CCSER2: variants seen among roughly 807,000 people sequenced by gnomAD.
CCSER2 encodes the protein serine-rich coiled-coil domain-containing protein 2.
In CCSER2, 46 loss-of-function variants were observed where a neutral mutation model predicts 92.3. That is an observed-to-expected ratio of 0.50 (90% CI 0.39 to 0.64). The LOEUF (loss-of-function observed/expected upper bound fraction) is 0.64. Among genes scored for constraint, CCSER2 ranks in the 30% least tolerant of loss-of-function variants. CCSER2 has a pLI of 0.00. For synonymous variants in CCSER2, 433 were observed against 431.4 expected (o/e 1.00, Z -0.04); for missense variants, 1,244 against 1,238.9 (o/e 1.00, Z -0.06).
At chr10:84,396,386 A>AT (rs201843812) in intron 3 of CCSER2, among the ~76,000 whole-genome samples, 1 of 148,932 alleles carries the variant, frequency 6.7e-6, no homozygotes, top group Non-Finnish European at 1.5e-5. Context: ...TTTGTTTAGC[A>AT]TTTTTTTTTT....
rs1846034651 is a variant in CCSER2 at position 84,371,048 on chromosome 10, A to G, written c.-5A>G. ...ACTTTTAAGAACAAATGCACCTTAT[A>G]GCTCATGGAAGAAAAAACACAAATC... is the stretch of plus-strand genomic sequence containing the variant. On this transcript the variant is annotated 5_prime_UTR_variant, in exon 2 of 10. The change creates a new upstream start codon in the 5' untranslated region. Transcript: ENST00000372088. 1.9e-6 allele frequency: 3 copies of G among 1,564,646 alleles called. No individual in the cohort carries two copies. The South Asian group carries it at 3.6e-5, about 19-fold the overall frequency.
intron 6 of CCSER2, among the ~76,000 whole-genome samples, chr10:84,453,950 T>C (rs1845446616): frequency 6.6e-6 from 1 of 152,168 alleles, no homozygotes; most frequent in Non-Finnish European, 1.5e-5. Context: ...GGTGTTTCTC[T>C]CTCCTTTTTA....
chr10:84,434,103 C>G (rs1423972309), intron 5 of CCSER2, among the ~76,000 whole-genome samples: 2 of 152,150 alleles, frequency 1.3e-5, no homozygotes, highest in African/African-American at 4.8e-5. Context: ...AATGTATCAA[C>G]TTAATGTGGG....
At chr10:84,479,624 T>A (rs1262911275) in intron 9 of CCSER2, among the ~76,000 whole-genome samples, 1 of 152,234 alleles carries the variant, frequency 6.6e-6, no homozygotes, top group Non-Finnish European at 1.5e-5. Flanking sequence ...TTAATTTGGA[T>A]GTGTAAATAT....
intron 3 of CCSER2, among the ~76,000 whole-genome samples, chr10:84,383,255 G>A (rs770920692): frequency 1.3e-5 from 2 of 151,982 alleles, no homozygotes; most frequent in Non-Finnish European, 1.5e-5. Flanking sequence ...ATTTTACTTC[G>A]CTTGGGTTAT....
rs1849592960 is a variant in CCSER2 at position 84,516,232 on chromosome 10, A to G, written c.*1965A>G. On this transcript the variant is annotated 3_prime_UTR_variant, in exon 10 of 10. Transcript: ENST00000372088. ...ATCAGATGAATTTGCCATTCACTGG[A>G]TAGAAACCATTCTTGGATTTGGTAA... 1 of 152,214 alleles carries G rather than the reference A, an allele frequency of 6.6e-6. No individual in the cohort carries two copies. Among genetic ancestry groups the G allele is most frequent in the African/African-American group, 2.4e-5 (1 of 41,458 alleles). The allele number at this position is 152,214 out of a possible 1,614,324, so 9.4% of individuals were successfully genotyped here. A position where few individuals can be genotyped will look rare whatever the true frequency, so the allele number is the denominator to read the frequency against.
At chr10:84,502,399 T>G (rs1221274003) in intron 9 of CCSER2, among the ~76,000 whole-genome samples, 2 of 137,240 alleles carry the variant, frequency 1.5e-5, no homozygotes, top group Admixed American at 8.0e-5. Context: ...GAGACAAGAG[T>G]CTTGCTCTGT....
In CCSER2 at chr10:84,361,857, C is replaced by T. The variant is rs191842580; in HGVS notation, c.-39-9157C>T. 7.0e-4 allele frequency among the ~76,000 whole-genome samples: 106 copies of T among 152,254 alleles called. 1 individual carries two copies. The highest frequency in any genetic ancestry group is 2.4e-3 in the African/African-American group (101 of 41,548). ...GTTTCTCCACATTGGTCAGGCTGGT[C>T]TTGAACTCCCGACCTCAGGTGATCC... On this transcript the variant is annotated intron_variant, in intron 1 of 9. Transcript: ENST00000372088.
rs201487191 is a variant in CCSER2, at chr10:84,341,580, CCCTATGATTTAGTT to C, written c.-40+12775_-40+12788del. Reference sequence around the variant, plus strand: ...GACTCCAGTGAAGAACAGCTGGTTGCCCTATGATTTAGTTCCAATCTAACACTGTCTACCTGTAG... The same window carrying C: ...GACTCCAGTGAAGAACAGCTGGTTGCCCAATCTAACACTGTCTACCTGTAG... On this transcript the variant is annotated intron_variant, in intron 1 of 9. Coordinates refer to ENST00000372088, the MANE Select transcript of CCSER2 (RefSeq NM_001284240.2). 3.6e-4 allele frequency among the ~76,000 whole-genome samples: 55 copies of C among 152,088 alleles called. No homozygotes were observed. The East Asian group carries it at 5.6e-3, about 16-fold the overall frequency.
chr10:84,357,715 G>A (rs889979340), intron 1 of CCSER2, among the ~76,000 whole-genome samples: 7 of 152,192 alleles, frequency 4.6e-5, no homozygotes, highest in Non-Finnish European at 8.8e-5. Flanking sequence ...CTCCCAAAGT[G>A]TTGGGATTAC....
chr10:84,348,487 C>G (rs1376945894), intron 1 of CCSER2, among the ~76,000 whole-genome samples: 1 of 151,556 alleles, frequency 6.6e-6, no homozygotes, highest in Admixed American at 6.6e-5. Flanking sequence ...GAGAGGGAGA[C>G]CGTGGGGAGA....
At chr10:84,449,788 G>A (rs77744831) in intron 6 of CCSER2, among the ~76,000 whole-genome samples, 2,907 of 151,170 alleles carry the variant, frequency 0.019, 89 homozygotes, top group Admixed American at 0.073. Flanking sequence ...CAGAGGTTGC[G>A]GTGAGCTGAG....
chr10:84,460,419 C>A (rs1159678111), intron 6 of CCSER2, among the ~76,000 whole-genome samples: 1 of 151,956 alleles, frequency 6.6e-6, no homozygotes, highest in Non-Finnish European at 1.5e-5. Context: ...CATCCTTATA[C>A]ATGAAGAATA....
At position 84,417,773 on chromosome 10, in the gene CCSER2, T is replaced by C. The variant is rs1373611461; in HGVS notation, c.1617T>C (p.Asp539=). 6.6e-7 allele frequency: 1 copy of C among 1,507,404 alleles called. No homozygotes were observed. Among genetic ancestry groups the C allele is most frequent in the East Asian group, 2.3e-5 (1 of 44,310 alleles). 93.4% of individuals were successfully genotyped at this position (1,507,404 alleles called of 1,614,324 possible). A position where few individuals can be genotyped will look rare whatever the true frequency, so the allele number is the denominator to read the frequency against. The change falls in exon 4 of 10, where the codon GAT becomes GAC. Residue 539 remains aspartate (D), a splice_region_variant and synonymous_variant. Transcript: ENST00000372088. ...TTTTTTACTGCTTTTGTTCACAGGA[T>C]ATTTTGAATAATCTTGAATCATGTG... ...SYESSEMNSI[D]ILNNLESCDL... is the part of the protein sequence containing the mutation.
chr10:84,513,677 G>C lies in CCSER2; in HGVS notation c.2554G>C (p.Ala852Pro). ...AGGCCCACAATTAACAATGGATGTGGCTAAGAGTACACCTTCTGAAGCAAA... is the reference window on the plus strand; with the variant it reads ...AGGCCCACAATTAACAATGGATGTGCCTAAGAGTACACCTTCTGAAGCAAA... ...SSGPQLTMDV[A>P]KSTPSEANLN... is the part of the protein sequence containing the mutation. The change falls in exon 10 of 10, where the codon GCT becomes CCT. Residue 852 changes from alanine to proline, a missense_variant. By Grantham distance (27) the Ala-to-Pro change is conservative (BLOSUM62 -1). Coordinates refer to ENST00000372088, the MANE Select transcript of CCSER2 (RefSeq NM_001284240.2). 4.5e-6 allele frequency: 7 copies of C among 1,554,770 alleles called. No individual in the cohort carries two copies. The highest frequency in any genetic ancestry group is 6.1e-6 in the Non-Finnish European group (7 of 1,153,722).
chr10:84,391,851 TAGTGTAATCCA>T (rs1403351036), intron 3 of CCSER2: 9 of 1,490,490 alleles, frequency 6.0e-6, no homozygotes, highest in Non-Finnish European at 8.4e-6. Context: ...TGAATCCCAG[TAGTGTAATCCA>T]AGATTTTATA....
chr10:84,347,901 C>G (rs1435095547), intron 1 of CCSER2, among the ~76,000 whole-genome samples: 2 of 151,406 alleles, frequency 1.3e-5, no homozygotes, highest in South Asian at 4.2e-4. Context: ...GATGGGTGGC[C>G]GGGCAGAGAC....
At position 84,428,753 on chromosome 10, in the gene CCSER2, A is replaced by C. The variant is rs139043332; in HGVS notation, c.1868+2860A>C. 2.4e-3 allele frequency among the ~76,000 whole-genome samples: 364 copies of C among 152,184 alleles called. 1 individual carries two copies. Among genetic ancestry groups the C allele is most frequent in the African/African-American group, 8.4e-3 (348 of 41,518 alleles). ...ATGTTAGCTGTGGATTTTAAAAGAT[A>C]CTTTCTATCAGTTTGAAGTTCCCTT... On this transcript the variant is annotated intron_variant, in intron 5 of 9. Transcript: ENST00000372088.
At chr10:84,356,579 A>T (rs762492077) in intron 1 of CCSER2, among the ~76,000 whole-genome samples, 1 of 152,238 alleles carries the variant, frequency 6.6e-6, no homozygotes, top group Non-Finnish European at 1.5e-5. Context: ...TCTTCAAAAA[A>T]ATGAAAGAAG....
Sources: gnomAD v4.1 joint callset for allele counts (sites outside exome capture counted in the v4.1 genomes callset) on GRCh38, gnomAD v4.1.1 for gene constraint, MANE v1.5 for transcripts, NCBI Gene and HGNC (gene_info 2026-07-23, HGNC 2026-07-21) for gene names.